Variants in SGPP2 observed in about 807,000 individuals in gnomAD.
SGPP2 encodes sphingosine-1-phosphate phosphatase 2, also known as sphingosine 1-phosphate phosphohydrolase 2.
In SGPP2, 30 loss-of-function variants were observed where a neutral mutation model predicts 33.9. The observed-to-expected ratio is 0.89, with a 90% CI of 0.66 to 1.20. The LOEUF (loss-of-function observed/expected upper bound fraction) is 1.20, where lower values mean the gene tolerates loss of function less well. Ranked by LOEUF, SGPP2 falls within the 50% of genes most tolerant of loss-of-function variation. The probability of loss-of-function intolerance (pLI) is 0.00; values close to 1 mark genes in which losing one functional copy is unlikely to be tolerated. For missense variants in SGPP2, 458 were observed against 532.1 expected (o/e 0.86, Z 1.37); for synonymous variants, 233 against 225.0 (o/e 1.04, Z -0.32).
At chr2:222,486,993 C>G (rs1698121141) in intron 2 of SGPP2, among the ~76,000 whole-genome samples, 1 of 151,986 alleles carries the variant, frequency 6.6e-6, no homozygotes, top group South Asian at 2.1e-4. Context: ...CCTTTTCCTT[C>G]CATCGCTCTC....
intron 2 of SGPP2, among the ~76,000 whole-genome samples, chr2:222,506,349 G>A (rs139581774): frequency 1.1e-3 from 168 of 152,254 alleles, no homozygotes; most frequent in African/African-American, 3.8e-3. Context: ...GTGCTGCCAA[G>A]AAGCAGAAAA....
At chr2:222,448,597 GTTGTTT>G (rs1451570384) in intron 1 of SGPP2, among the ~76,000 whole-genome samples, 10 of 152,246 alleles carry the variant, frequency 6.6e-5, no homozygotes, top group Non-Finnish European at 1.5e-4. Context: ...TAAGCGCTGT[GTTGTTT>G]TTGTTGGTAG....
intron 1 of SGPP2, among the ~76,000 whole-genome samples, chr2:222,431,477 T>C (rs1397399840): frequency 6.6e-6 from 1 of 152,058 alleles, no homozygotes. Context: ...CTGCACTCCA[T>C]TCTAGGTGAC....
At chr2:222,452,993 G>T in intron 1 of SGPP2, 7 of 1,585,662 alleles carry the variant, frequency 4.4e-6, no homozygotes, top group Admixed American at 3.3e-5. Context: ...ACAGCTGGGT[G>T]GAAGAGAACA....
chr2:222,513,037 A>G (rs1417255091), intron 2 of SGPP2, among the ~76,000 whole-genome samples: 1 of 152,234 alleles, frequency 6.6e-6, no homozygotes, highest in African/African-American at 2.4e-5. Flanking sequence ...GTTTAGTGTT[A>G]TAAGAAACTG....
chr2:222,518,543 A>G (rs1350111708), intron 2 of SGPP2, among the ~76,000 whole-genome samples: 2 of 152,204 alleles, frequency 1.3e-5, no homozygotes, highest in African/African-American at 4.8e-5. Flanking sequence ...TGAGAAGTAT[A>G]TTTCAAGCAG....
chr2:222,462,849 C>A (rs1445540092), intron 1 of SGPP2, among the ~76,000 whole-genome samples: 2 of 151,862 alleles, frequency 1.3e-5, no homozygotes, highest in Admixed American at 6.6e-5. Context: ...AACAAACAAA[C>A]AAAAATTCTC....
rs1689494237 is a variant in SGPP2 at position 222,559,384 on chromosome 2, G to C, written c.*486G>C. 1.2e-5 allele frequency: 2 copies of C among 162,274 alleles called. No homozygotes were observed. Among genetic ancestry groups the C allele is most frequent in the African/African-American group, 4.8e-5 (2 of 41,592 alleles). 10.1% of individuals were successfully genotyped at this position (162,274 alleles called of 1,614,324 possible). ...GAGTTATTTCTAAAATGGGAACTTTGGTCTAGGAGAAGGGGTGGCACCATA... is the reference window on the plus strand; with the variant it reads ...GAGTTATTTCTAAAATGGGAACTTTCGTCTAGGAGAAGGGGTGGCACCATA... On this transcript the variant is annotated 3_prime_UTR_variant, in exon 5 of 5. Coordinates refer to ENST00000321276, the MANE Select transcript of SGPP2 (RefSeq NM_152386.4).
intron 2 of SGPP2, among the ~76,000 whole-genome samples, chr2:222,518,438 G>A (rs1698637765): frequency 6.6e-6 from 1 of 152,148 alleles, no homozygotes; most frequent in Admixed American, 6.5e-5. Flanking sequence ...CTCTCTGTTA[G>A]GATGTGAGGA....
chr2:222,446,675 G>A (rs1697404394), intron 1 of SGPP2, among the ~76,000 whole-genome samples: 1 of 152,156 alleles, frequency 6.6e-6, no homozygotes, highest in African/African-American at 2.4e-5. Flanking sequence ...AGCCAATTAA[G>A]ATCCTTTCCA....
At chr2:222,475,515 C>T (rs565884168) in intron 2 of SGPP2, among the ~76,000 whole-genome samples, 1 of 152,136 alleles carries the variant, frequency 6.6e-6, no homozygotes, top group Admixed American at 6.5e-5. Context: ...AGCTGTTGAG[C>T]AATACCTCCA....
At chr2:222,446,852 T>C (rs1697406497) in intron 1 of SGPP2, among the ~76,000 whole-genome samples, 1 of 152,166 alleles carries the variant, frequency 6.6e-6, no homozygotes, top group South Asian at 2.1e-4. Context: ...ATGATGGAAA[T>C]GTTACTGAAA....
chr2:222,488,318 G>A lies in SGPP2; in HGVS notation c.378+13592G>A, dbSNP rs552730849. Reference sequence around the variant, plus strand: ...TCACACAGCAGGAGGTGAGCAGTGGGTGAGCGAGCATTACTGCCTGAGCTC... The same window carrying A: ...TCACACAGCAGGAGGTGAGCAGTGGATGAGCGAGCATTACTGCCTGAGCTC... On this transcript the variant is annotated intron_variant, in intron 2 of 4. Coordinates refer to ENST00000321276, the MANE Select transcript of SGPP2 (RefSeq NM_152386.4). 2.6e-5 allele frequency among the ~76,000 whole-genome samples: 4 copies of A among 152,296 alleles called. No homozygotes were observed. In the South Asian group the frequency reaches 8.3e-4, roughly 32 times the overall value.
At chr2:222,521,237 A>T (rs1487887076) in intron 2 of SGPP2, among the ~76,000 whole-genome samples, 2 of 152,232 alleles carry the variant, frequency 1.3e-5, no homozygotes, top group Non-Finnish European at 2.9e-5. Context: ...TTTGAAAACA[A>T]GTGCTGCCTG....
At chr2:222,523,659 C>T (rs1458089177) in intron 3 of SGPP2, among the ~76,000 whole-genome samples, 1 of 151,852 alleles carries the variant, frequency 6.6e-6, no homozygotes, top group East Asian at 1.9e-4. Flanking sequence ...TAGCTGTTTG[C>T]TCATAAACAG....
chr2:222,508,337 A>G (rs1262165199), intron 2 of SGPP2, among the ~76,000 whole-genome samples: 1 of 152,192 alleles, frequency 6.6e-6, no homozygotes, highest in East Asian at 1.9e-4. Context: ...GTGGTGAAAC[A>G]ATGATAAAAT....
intron 4 of SGPP2, among the ~76,000 whole-genome samples, chr2:222,530,987 T>C (rs1698830422): frequency 6.6e-6 from 1 of 152,142 alleles, no homozygotes; most frequent in Non-Finnish European, 1.5e-5. Context: ...TGAGGTATGC[T>C]TGTACAACTG....
intron 2 of SGPP2, among the ~76,000 whole-genome samples, chr2:222,507,307 C>A (rs537381636): frequency 6.6e-6 from 1 of 152,040 alleles, no homozygotes; most frequent in Non-Finnish European, 1.5e-5. Flanking sequence ...AGTAATCAAT[C>A]GGTCAAAACT....
intron 4 of SGPP2, among the ~76,000 whole-genome samples, chr2:222,527,046 G>A (rs1698769237): frequency 6.6e-6 from 1 of 152,174 alleles, no homozygotes. Context: ...GTAAGCACGA[G>A]CATGTAGAGC....
Sources: allele counts gnomAD v4.1 joint callset (sites outside exome capture counted in the v4.1 genomes callset), GRCh38; gene constraint gnomAD v4.1.1; transcripts MANE v1.5; gene names NCBI Gene and HGNC (gene_info 2026-07-23, HGNC 2026-07-21).